Variants in CLVS1 observed in about 807,000 individuals in gnomAD.
The protein encoded by CLVS1 is clavesin-1.
CLVS1 carries 10 observed loss-of-function variants against 33.1 expected under a neutral mutation model. The observed-to-expected ratio is 0.30, with a 90% CI of 0.19 to 0.51. CLVS1 has a LOEUF of 0.51. CLVS1 is among the 20% of genes least tolerant of loss of function. CLVS1 has a pLI of 0.97. For missense variants in CLVS1, 343 were observed against 433.4 expected (o/e 0.79, Z 1.85); for synonymous variants, 163 against 166.1 (o/e 0.98, Z 0.14).
chr8:61,427,483 GCA>G (rs1815938742), intron 3 of CLVS1, among the ~76,000 whole-genome samples: 1 of 152,178 alleles, frequency 6.6e-6, no homozygotes, highest in Non-Finnish European at 1.5e-5. Context: ...ACAGTAAACA[GCA>G]GTTGTATAGG....
intron 1 of CLVS1, chr8:61,131,651 A>G (rs1264230076): frequency 3.3e-5 from 5 of 150,866 alleles, no homozygotes; most frequent in Admixed American, 1.3e-4. Context: ...AATGCAAAGA[A>G]CTTCCTTTTC....
Position 61,172,435 on chromosome 8 carries a change from T to C in CLVS1, c.-152+40575T>C, listed in dbSNP as rs553522567. Reference sequence around the variant, plus strand: ...AAAATTGTTATTTTCTCTTTCTCACTTTTCTTTCTCTTTGCAAGGAGCAAC... The same window carrying C: ...AAAATTGTTATTTTCTCTTTCTCACCTTTCTTTCTCTTTGCAAGGAGCAAC... On this transcript the variant is annotated intron_variant, in intron 2 of 2. Coordinates refer to the CLVS1 transcript ENST00000522621. 2.6e-5 allele frequency among the ~76,000 whole-genome samples: 4 copies of C among 152,318 alleles called. 1 individual carries two copies. The highest frequency in any genetic ancestry group is 9.6e-5 in the African/African-American group (4 of 41,580).
chr8:60,976,369 T>A, the CLVS1 span, among the ~76,000 whole-genome samples: 1 of 152,126 alleles, frequency 6.6e-6, no homozygotes, highest in Non-Finnish European at 1.5e-5. Flanking sequence ...TTTCTTTTTT[T>A]TTTTTAGAGA....
chr8:61,473,081 C>T (rs1426460212), intron 5 of CLVS1, among the ~76,000 whole-genome samples: 1 of 151,946 alleles, frequency 6.6e-6, no homozygotes, highest in Non-Finnish European at 1.5e-5. Context: ...AGGATCCTAA[C>T]CTAGTCTTGG....
chr8:60,972,760 C>T, the CLVS1 span, among the ~76,000 whole-genome samples: 1 of 152,226 alleles, frequency 6.6e-6, no homozygotes, highest in Admixed American at 6.5e-5. Context: ...AGCATTTCCT[C>T]TTCACTAGCC....
chr8:61,212,691 T>G (rs10094401), intron 2 of CLVS1, among the ~76,000 whole-genome samples: 36,134 of 151,968 alleles, frequency 0.24, 5,168 homozygotes, highest in East Asian at 0.69. Context: ...GAGCTAAAAT[T>G]CCTTAAGGCC....
At chr8:61,084,393 C>T (rs1805079925) in intron 1 of CLVS1, among the ~76,000 whole-genome samples, 1 of 152,088 alleles carries the variant, frequency 6.6e-6, no homozygotes, top group African/African-American at 2.4e-5. Flanking sequence ...ATTTTGCCCT[C>T]CCCTCCCGTG....
At chr8:61,301,762 C>T (rs983453234) in intron 2 of CLVS1, among the ~76,000 whole-genome samples, 2 of 152,116 alleles carry the variant, frequency 1.3e-5, no homozygotes, top group African/African-American at 4.8e-5. Context: ...TGTCTTAACC[C>T]GACTTCATTG....
intron 2 of CLVS1, among the ~76,000 whole-genome samples, chr8:61,364,378 A>G (rs533125154): frequency 6.6e-6 from 1 of 152,224 alleles, no homozygotes; most frequent in Non-Finnish European, 1.5e-5. Flanking sequence ...TGAGGAAGAT[A>G]AACTGTTGAA....
At chr8:61,309,233 G>T (rs1267075322) in intron 2 of CLVS1, among the ~76,000 whole-genome samples, 2 of 152,194 alleles carry the variant, frequency 1.3e-5, no homozygotes, top group Non-Finnish European at 2.9e-5. Context: ...TGTTGGTTCA[G>T]TTTGAAAGTG....
intron 2 of CLVS1, among the ~76,000 whole-genome samples, chr8:61,240,442 C>T (rs1459605500): frequency 6.6e-6 from 1 of 152,200 alleles, no homozygotes; most frequent in African/African-American, 2.4e-5. Flanking sequence ...CTCTGCCCAG[C>T]AATTGGTCAC....
intron 3 of CLVS1, among the ~76,000 whole-genome samples, chr8:61,380,968 T>G (rs1412410457): frequency 6.6e-6 from 1 of 152,168 alleles, no homozygotes; most frequent in Non-Finnish European, 1.5e-5. Flanking sequence ...TTTAAAAATA[T>G]TTGATTCCTT....
intron 1 of CLVS1, among the ~76,000 whole-genome samples, chr8:61,109,777 A>G (rs1805595003): frequency 6.6e-6 from 1 of 152,098 alleles, no homozygotes; most frequent in Non-Finnish European, 1.5e-5. Context: ...TTATCATGGG[A>G]GAGGAACTGG....
the CLVS1 span, among the ~76,000 whole-genome samples, chr8:61,031,671 T>A: frequency 6.6e-6 from 1 of 152,192 alleles, no homozygotes; most frequent in Non-Finnish European, 1.5e-5. Context: ...AATTGCAAAG[T>A]TCCTGGCCAT....
At position 61,300,409 on chromosome 8, in the gene CLVS1, A is replaced by C. The variant is rs140070158; in HGVS notation, c.455+127A>C. 365 of 839,714 alleles carry C rather than the reference A, an allele frequency of 4.3e-4. 3 individuals are homozygous for C. In the African/African-American group the frequency reaches 4.8e-3, roughly 11 times the overall value. 52.0% of individuals were successfully genotyped at this position (839,714 alleles called of 1,614,324 possible). ...AAATATTTCACATGTTCACCAAGGA[A>C]GTTTTAGGCCACAGGTGTGCTGTCT... On this transcript the variant is annotated intron_variant, in intron 2 of 5. Coordinates refer to ENST00000325897, the MANE Select transcript of CLVS1 (RefSeq NM_173519.3).
At chr8:61,268,626 C>A (rs1423503540) in intron 2 of CLVS1, among the ~76,000 whole-genome samples, 1 of 131,476 alleles carries the variant, frequency 7.6e-6, no homozygotes, top group African/African-American at 2.9e-5. Flanking sequence ...AGTTTACAGT[C>A]CCACCAACAG....
chr8:61,405,472 A>G lies in CLVS1; in HGVS notation c.630+28693A>G, dbSNP rs191621827. Among the ~76,000 whole-genome samples the G allele has an allele frequency of 9.2e-5, 14 of 152,316 alleles. No homozygotes were observed. The South Asian group carries it at 2.1e-3, about 23-fold the overall frequency. The stretch of plus-strand genomic sequence containing the variant: ...GTACTTCCCATTTCTTCGACAGAAT[A>G]TTAAAAATATGTGTATTCTGGCCAG... On this transcript the variant is annotated intron_variant, in intron 3 of 5. Coordinates refer to ENST00000325897, the MANE Select transcript of CLVS1 (RefSeq NM_173519.3).
intron 2 of CLVS1, among the ~76,000 whole-genome samples, chr8:61,197,528 G>A (rs1056613866): frequency 1.3e-5 from 2 of 151,920 alleles, no homozygotes; most frequent in Admixed American, 6.6e-5. Context: ...TTGTTTGTTT[G>A]TTTGTTTTTG....
At chr8:61,264,412 C>T (rs1809266248) in intron 2 of CLVS1, among the ~76,000 whole-genome samples, 2 of 152,110 alleles carry the variant, frequency 1.3e-5, no homozygotes, top group African/African-American at 4.8e-5. Context: ...CAAGGAGGAT[C>T]AAGCAGCTAA....
Sources: gnomAD v4.1 joint callset for allele counts (sites outside exome capture counted in the v4.1 genomes callset) on GRCh38, gnomAD v4.1.1 for gene constraint, MANE v1.5 for transcripts, NCBI Gene and HGNC (gene_info 2026-07-23, HGNC 2026-07-21) for gene names.